SORCS2: variants seen among roughly 807,000 people sequenced by gnomAD.
The protein encoded by SORCS2 is sortilin related VPS10 domain containing receptor 2, also known as VPS10 domain-containing receptor SorCS2.
SORCS2 carries 100 observed loss-of-function variants against 141.6 expected under a neutral mutation model. The ratio of observed to expected loss-of-function variants is 0.71; its 90% CI spans 0.60 to 0.83. The LOEUF is 0.83. Ranked by LOEUF, SORCS2 falls within the 40% of genes least tolerant of loss-of-function variation. The probability of loss-of-function intolerance (pLI) is 0.00; values close to 1 mark genes in which losing one functional copy is unlikely to be tolerated. For synonymous variants in SORCS2, 789 were observed against 676.9 expected (o/e 1.17, Z -2.57); for missense variants, 1,646 against 1,560.2 (o/e 1.05, Z -0.93).
intron 1 of SORCS2, among the ~76,000 whole-genome samples, chr4:7,195,517 C>T (rs1727122009): frequency 6.6e-6 from 1 of 152,150 alleles, no homozygotes; most frequent in African/African-American, 2.4e-5. Context: ...TCAGGGAAGA[C>T]CTGATCATCC....
chr4:7,403,989 ATATATATATTTTTTTT>A (rs1400026459), intron 2 of SORCS2, among the ~76,000 whole-genome samples: 16 of 7,764 alleles, frequency 2.1e-3, no homozygotes, highest in Admixed American at 4.0e-3. Context: ...ATATATATAT[ATATATATATTTTTTTT>A]TTTTTTTTAG....
intron 1 of SORCS2, among the ~76,000 whole-genome samples, chr4:7,271,969 C>A (rs765751921): frequency 3.9e-5 from 6 of 152,156 alleles, no homozygotes; most frequent in Admixed American, 6.5e-5. Context: ...GGGAGCTCTG[C>A]GGGCTGTTTA....
chr4:7,485,632 C>T (rs1010082558), intron 2 of SORCS2, among the ~76,000 whole-genome samples: 1 of 152,232 alleles, frequency 6.6e-6, no homozygotes, highest in Admixed American at 6.5e-5. Flanking sequence ...GTTGTGGGGT[C>T]GGGTGGCTTC....
chr4:7,213,569 A>G (rs764890741), intron 1 of SORCS2, among the ~76,000 whole-genome samples: 39 of 152,176 alleles, frequency 2.6e-4, no homozygotes, highest in Admixed American at 2.0e-4. Flanking sequence ...TGCTGCCCCA[A>G]TCTGAACCCA....
chr4:7,650,196 A>G (rs1721342001), intron 4 of SORCS2, among the ~76,000 whole-genome samples: 1 of 152,142 alleles, frequency 6.6e-6, no homozygotes, highest in African/African-American at 2.4e-5. Context: ...TGGGTGAATC[A>G]CTCAATTGCT....
chr4:7,216,921 T>C (rs1728387051), intron 1 of SORCS2, among the ~76,000 whole-genome samples: 1 of 152,186 alleles, frequency 6.6e-6, no homozygotes, highest in Non-Finnish European at 1.5e-5. Flanking sequence ...GCGGAGTGAC[T>C]CTTCCAATTC....
chr4:7,206,225 C>T (rs561441584), intron 1 of SORCS2, among the ~76,000 whole-genome samples: 63 of 152,294 alleles, frequency 4.1e-4, no homozygotes, highest in Admixed American at 1.8e-3. Context: ...CCTCTCTGGT[C>T]TCCTCCAGCC....
Position 7,229,653 on chromosome 4 carries a change from C to G in SORCS2, c.480+36527C>G, listed in dbSNP as rs1170421731. ...GGTCACTCCGAGGCTGAAAAAGGGC[C>G]TAAGAGCTTCTGTCACGGTCGTGGG... On this transcript the variant is annotated intron_variant, in intron 1 of 26. Transcript: ENST00000507866. Among the ~76,000 whole-genome samples, 3 of 152,270 alleles carry G rather than the reference C, an allele frequency of 2.0e-5. No homozygotes were observed. In the East Asian group the frequency reaches 5.8e-4, roughly 29 times the overall value.
intron 1 of SORCS2, among the ~76,000 whole-genome samples, chr4:7,260,869 C>T (rs561399015): frequency 6.6e-6 from 1 of 152,330 alleles, no homozygotes; most frequent in South Asian, 2.1e-4. Context: ...TTACAACCTC[C>T]CCCGAGCAGG....
chr4:7,465,567 A>G (rs996305078), intron 2 of SORCS2, among the ~76,000 whole-genome samples: 7 of 152,074 alleles, frequency 4.6e-5, no homozygotes, highest in Admixed American at 2.0e-4. Context: ...CCCCCTCTCC[A>G]GGGGCTTGTG....
intron 1 of SORCS2, among the ~76,000 whole-genome samples, chr4:7,315,246 C>A (rs564377960): frequency 6.6e-6 from 1 of 152,304 alleles, no homozygotes; most frequent in Admixed American, 6.5e-5. Flanking sequence ...GTGATGATGG[C>A]CAGGTGGGCC....
intron 2 of SORCS2, among the ~76,000 whole-genome samples, chr4:7,400,600 G>T (rs140204813): frequency 1.3e-5 from 2 of 152,210 alleles, no homozygotes; most frequent in East Asian, 3.8e-4. Context: ...TACATGTTGG[G>T]CATTGGATGA....
At chr4:7,239,329 C>T (rs1410991995) in intron 1 of SORCS2, among the ~76,000 whole-genome samples, 1 of 152,236 alleles carries the variant, frequency 6.6e-6, no homozygotes, top group Non-Finnish European at 1.5e-5. Context: ...GCCGGGAGGG[C>T]CCCCGACCTC....
intron 1 of SORCS2, among the ~76,000 whole-genome samples, chr4:7,357,949 G>T (rs758601229): frequency 6.6e-6 from 1 of 152,208 alleles, no homozygotes; most frequent in Non-Finnish European, 1.5e-5. Flanking sequence ...TTGGTTTGAG[G>T]CCATTTGCAG....
intron 1 of SORCS2, among the ~76,000 whole-genome samples, chr4:7,277,482 C>G (rs9999545): frequency 0.67 from 101,795 of 152,008 alleles, 34,595 homozygotes; most frequent in Admixed American, 0.78. Context: ...AGGAGTCCTG[C>G]GGAGACAGTA....
At chr4:7,196,497 C>A (rs541666537) in intron 1 of SORCS2, among the ~76,000 whole-genome samples, 2 of 152,262 alleles carry the variant, frequency 1.3e-5, no homozygotes, top group South Asian at 4.2e-4. Flanking sequence ...GGCACTTGAT[C>A]CTCAACTTTG....
At chr4:7,538,222 A>G (rs1030571863) in intron 3 of SORCS2, among the ~76,000 whole-genome samples, 2 of 152,208 alleles carry the variant, frequency 1.3e-5, no homozygotes, top group African/African-American at 2.4e-5. Context: ...CTTGGAGACC[A>G]CTTTGCAACC....
At chr4:7,273,948 A>T (rs533146088) in intron 1 of SORCS2, among the ~76,000 whole-genome samples, 1 of 152,190 alleles carries the variant, frequency 6.6e-6, no homozygotes, top group Non-Finnish European at 1.5e-5. Context: ...CATGGAGACA[A>T]TGTGGCCTCC....
chr4:7,517,783 G>A (rs890421307), intron 2 of SORCS2, among the ~76,000 whole-genome samples: 1 of 152,186 alleles, frequency 6.6e-6, no homozygotes, highest in African/African-American at 2.4e-5. Context: ...AGGCTGGGGA[G>A]GAGTTAAAAT....
Sources: gnomAD v4.1 joint callset for allele counts (sites outside exome capture counted in the v4.1 genomes callset) on GRCh38, gnomAD v4.1.1 for gene constraint, MANE v1.5 for transcripts, NCBI Gene and HGNC (gene_info 2026-07-23, HGNC 2026-07-21) for gene names.